PDILT: variants seen among roughly 807,000 people sequenced by gnomAD.
PDILT encodes protein disulfide-isomerase-like protein of the testis.
A neutral mutation model predicts 53.7 loss-of-function variants in PDILT; 43 were observed. The ratio of observed to expected loss-of-function variants is 0.80; its 90% CI spans 0.63 to 1.03. The LOEUF is 1.03. PDILT is among the 50% of genes least tolerant of loss of function. PDILT has a pLI of 0.00. For missense variants in PDILT, 727 were observed against 712.3 expected (o/e 1.02, Z -0.24); for synonymous variants, 282 against 274.2 (o/e 1.03, Z -0.28).
At chr16:20,363,105 A>G (rs1309087497) in intron 9 of PDILT, among the ~76,000 whole-genome samples, 3 of 151,232 alleles carry the variant, frequency 2.0e-5, no homozygotes, top group Non-Finnish European at 4.4e-5. Context: ...AGAAAGAAAG[A>G]AAAAGAAAAA....
At position 20,389,285 on chromosome 16, in the gene PDILT, T is replaced by C. The variant is rs550713423; in HGVS notation, c.203-4434A>G. Among the ~76,000 whole-genome samples, 7 of 152,296 alleles carry C rather than the reference T, an allele frequency of 4.6e-5. No individual in the cohort carries two copies. In the South Asian group the frequency reaches 1.0e-3, roughly 23 times the overall value. ...CCTTGTGGCCCAGGAAAGTTGTTTT[T>C]ATTTTTTTAAGTCTCTGTGACTCAG... On this transcript the variant is annotated intron_variant, in intron 2 of 11. Transcript: ENST00000302451.
chr16:20,402,756 A>C (rs1966760081), intron 1 of PDILT, among the ~76,000 whole-genome samples: 1 of 152,222 alleles, frequency 6.6e-6, no homozygotes, highest in African/African-American at 2.4e-5. Flanking sequence ...AATCTCTCCC[A>C]CAATACCTGG....
chr16:20,365,848 C>T (rs916906537), intron 8 of PDILT, among the ~76,000 whole-genome samples: 8 of 151,852 alleles, frequency 5.3e-5, no homozygotes, highest in African/African-American at 1.2e-4. Flanking sequence ...TTTGGGAGGC[C>T]GAGGCGGGTG....
At chr16:20,372,766 C>T in intron 7 of PDILT, 36 bp downstream of exon 7, 3 of 1,601,304 alleles carry the variant, frequency 1.9e-6, no homozygotes, top group Non-Finnish European at 2.6e-6. Context: ...GATCCTCATC[C>T]AGGAGTCCCA....
chr16:20,389,545 A>T (rs1966582419), intron 2 of PDILT, among the ~76,000 whole-genome samples: 1 of 152,122 alleles, frequency 6.6e-6, no homozygotes, highest in Admixed American at 6.5e-5. Context: ...AACAACAGTG[A>T]CCATCACCAA....
At chr16:20,403,246 C>A (rs8047791) in intron 1 of PDILT, among the ~76,000 whole-genome samples, 1 of 152,034 alleles carries the variant, frequency 6.6e-6, no homozygotes, top group Admixed American at 6.5e-5. Context: ...CTTTGTGCTT[C>A]ACCTCAACCC....
intron 8 of PDILT, among the ~76,000 whole-genome samples, chr16:20,368,319 C>A (rs1319390370): frequency 2.6e-5 from 4 of 152,008 alleles, no homozygotes; most frequent in Non-Finnish European, 4.4e-5. Context: ...AGGACAGCAA[C>A]AAGGAGGTGG....
chr16:20,369,369 G>T, intron 8 of PDILT, 123 bp downstream of exon 8: 1 of 1,126,818 alleles, frequency 8.9e-7, no homozygotes, highest in Non-Finnish European at 1.3e-6. Flanking sequence ...CCCACATTGA[G>T]CCACAAAGTT....
At chr16:20,378,612 C>A (rs1966419112) in intron 3 of PDILT, among the ~76,000 whole-genome samples, 1 of 152,132 alleles carries the variant, frequency 6.6e-6, no homozygotes, top group African/African-American at 2.4e-5. Context: ...CCTTCCCTCG[C>A]CCTCCACTCC....
At chr16:20,375,413 C>T (rs923517781) in intron 4 of PDILT, among the ~76,000 whole-genome samples, 1 of 152,184 alleles carries the variant, frequency 6.6e-6, no homozygotes, top group Non-Finnish European at 1.5e-5. Context: ...CAGATAGTCT[C>T]TCTGTGTTAA....
chr16:20,389,409 CA>C (rs1266525908), intron 2 of PDILT, among the ~76,000 whole-genome samples: 1 of 152,132 alleles, frequency 6.6e-6, no homozygotes, highest in Non-Finnish European at 1.5e-5. Context: ...TACAAATAAA[CA>C]TTAGCTATTT....
At chr16:20,381,377 C>T (rs1966458875) in intron 3 of PDILT, among the ~76,000 whole-genome samples, 1 of 152,110 alleles carries the variant, frequency 6.6e-6, no homozygotes, top group Admixed American at 6.6e-5. Context: ...TGGCTCACAC[C>T]TGTAATCCCA....
intron 1 of PDILT, among the ~76,000 whole-genome samples, chr16:20,403,343 G>A (rs1966768229): frequency 6.6e-6 from 1 of 152,152 alleles, no homozygotes; most frequent in Non-Finnish European, 1.5e-5. Flanking sequence ...AGGCTGGAGT[G>A]CAATCACATG....
chr16:20,367,076 TTTCTTTCTTTCTTTCTTTCTTTC>T (rs1966220609), intron 8 of PDILT, among the ~76,000 whole-genome samples: 4 of 132,758 alleles, frequency 3.0e-5, no homozygotes, highest in African/African-American at 1.2e-4. Flanking sequence ...TCTTTCTTTC[TTTCTTTCTTTCTTTCTTTCTTTC>T]TTTCTTCCTT....
At chr16:20,395,620 G>A (rs1046241868) in intron 2 of PDILT, among the ~76,000 whole-genome samples, 5 of 152,090 alleles carry the variant, frequency 3.3e-5, no homozygotes, top group Non-Finnish European at 7.4e-5. Context: ...TGGTTAGTTC[G>A]ACTTTCTTTA....
intron 2 of PDILT, among the ~76,000 whole-genome samples, chr16:20,389,214 C>T (rs895802242): frequency 6.6e-6 from 1 of 151,884 alleles, no homozygotes; most frequent in African/African-American, 2.4e-5. Context: ...AATGTGAATT[C>T]CTTAGGCTAT....
At chr16:20,398,049 T>C (rs1252745354) in intron 2 of PDILT, among the ~76,000 whole-genome samples, 1 of 152,134 alleles carries the variant, frequency 6.6e-6, no homozygotes, top group Non-Finnish European at 1.5e-5. Context: ...CTTTCTGAGT[T>C]TCTGTTTCCT....
chr16:20,370,763 T>C (rs1966294739), intron 7 of PDILT, among the ~76,000 whole-genome samples: 1 of 151,726 alleles, frequency 6.6e-6, no homozygotes, highest in Non-Finnish European at 1.5e-5. Flanking sequence ...ATAAAACAGG[T>C]TGTAGTAAAG....
At chr16:20,392,983 G>C (rs1966624206) in intron 2 of PDILT, among the ~76,000 whole-genome samples, 1 of 152,200 alleles carries the variant, frequency 6.6e-6, no homozygotes, top group Non-Finnish European at 1.5e-5. Flanking sequence ...ATGTGTTGAG[G>C]TGTGTTATGT....
Sources: gnomAD v4.1 joint callset for allele counts (sites outside exome capture counted in the v4.1 genomes callset) on GRCh38, gnomAD v4.1.1 for gene constraint, MANE v1.5 for transcripts, NCBI Gene and HGNC (gene_info 2026-07-23, HGNC 2026-07-21) for gene names.